The following CCDC200 variants were observed in gnomAD, a reference collection of about 807,000 sequenced individuals.
CCDC200 encodes coiled-coil domain-containing protein 200.
upstream of CCDC200, among the ~76,000 whole-genome samples, chr17:43,230,670 T>C (rs1354590108): frequency 1.8e-4 from 2 of 10,960 alleles, no homozygotes; most frequent in Non-Finnish European, 4.2e-4. Flanking sequence ...GAGCAAGACT[T>C]TGTCTCTGAA....
intron 1 of CCDC200, 124 bp from the exon 2 acceptor site, chr17:43,224,673 C>T (rs2057555143): frequency 6.6e-6 from 1 of 152,260 alleles, no homozygotes; most frequent in Non-Finnish European, 1.5e-5. Flanking sequence ...TCTCTGTTCC[C>T]TAGAGCTGGA....
chr17:43,223,478 A>ACACACACACACACACACACACACACT (rs34707360), intron 3 of CCDC200, 78 bp downstream of exon 3: 9 of 144,040 alleles, frequency 6.2e-5, no homozygotes, highest in Admixed American at 3.5e-4. Context: ...ACACACACAC[A>ACACACACACACACACACACACACACT]CTCACACTCT....
chr17:43,226,641 G>A (rs2057571725), intron 1 of CCDC200, among the ~76,000 whole-genome samples: 1 of 152,154 alleles, frequency 6.6e-6, no homozygotes, highest in South Asian at 2.1e-4. Flanking sequence ...GGATCAGCCC[G>A]CCTTGGCTCC....
chr17:43,224,081 C>T (rs3744244), intron 2 of CCDC200, 153 bp downstream of exon 2: 48,428 of 152,368 alleles, frequency 0.32, 8,046 homozygotes, highest in South Asian at 0.5. Flanking sequence ...ACTACAGGGC[C>T]GGGATGGAAG....
chr17:43,230,856 C>A (rs1469829744), upstream of CCDC200, among the ~76,000 whole-genome samples: 2 of 92,134 alleles, frequency 2.2e-5, no homozygotes, highest in African/African-American at 5.7e-5. Context: ...TGGCAGGTGC[C>A]TGTCGTCCCC....
Position 43,225,693 on chromosome 17 carries a change from T to TATATATATATATATATATATATATAAAA in CCDC200, c.106-1145_106-1144insTTTTATATATATATATATATATATATAT, listed in dbSNP as rs1282739067. The stretch of plus-strand genomic sequence containing the variant: ...AAAAAAAAAAAAGTATATATATATA[T>TATATATATATATATATATATATATAAAA]TGCATGCTACATGTGTAATTTTAAA... On this transcript the variant is annotated intron_variant, in intron 1 of 3. Coordinates refer to ENST00000636331, the MANE Select transcript of CCDC200 (RefSeq NM_001363254.2). Among the ~76,000 whole-genome samples, 10 of 28,970 alleles carry TATATATATATATATATATATATATAAAA rather than the reference T, an allele frequency of 3.5e-4. 2 individuals are homozygous for TATATATATATATATATATATATATAAAA. The highest frequency in any genetic ancestry group is 1.6e-3 in the Non-Finnish European group (7 of 4,438). The allele number at this position is 28,970 out of a possible 152,430, so 19.0% of individuals were successfully genotyped here. A position where few individuals can be genotyped will look rare whatever the true frequency, so the allele number is the denominator to read the frequency against.
intron 1 of CCDC200, among the ~76,000 whole-genome samples, chr17:43,226,873 A>C (rs757775845): frequency 6.6e-6 from 1 of 152,228 alleles, no homozygotes; most frequent in African/African-American, 2.4e-5. Flanking sequence ...TTTAGATTTC[A>C]TAAATTTACA....
In CCDC200 at chr17:43,225,680, G is replaced by A. The variant is rs1044562616; in HGVS notation, c.106-1131C>T. Among the ~76,000 whole-genome samples the A allele has an allele frequency of 1.4e-3, 23 of 16,662 alleles. 1 individual carries two copies. The highest frequency in any genetic ancestry group is 6.8e-3 in the Non-Finnish European group (10 of 1,466). The allele number at this position is 16,662 out of a possible 152,430, so 10.9% of individuals were successfully genotyped here. A position where few individuals can be genotyped will look rare whatever the true frequency, so the allele number is the denominator to read the frequency against. ...TCCGTCTAAAAAAAAAAAAAAAAAA[G>A]TATATATATATATTGCATGCTACAT... On this transcript the variant is annotated intron_variant, in intron 1 of 3. Transcript: ENST00000636331.
intron 1 of CCDC200, chr17:43,226,439 C>A (rs1335292573): frequency 6.6e-6 from 1 of 152,150 alleles, no homozygotes; most frequent in Non-Finnish European, 1.5e-5. Flanking sequence ...GTCTCGCAGG[C>A]TGGAATATAG....
chr17:43,224,511 C>T lies in CCDC200; in HGVS notation c.144G>A (p.Glu48=), dbSNP rs1396143574. 6.5e-6 allele frequency: 1 copy of T among 153,418 alleles called. No individual in the cohort carries two copies. Among genetic ancestry groups the T allele is most frequent in the Non-Finnish European group, 1.5e-5 (1 of 68,118 alleles). The allele number at this position is 153,418 out of a possible 1,614,324, so 9.5% of individuals were successfully genotyped here. A position where few individuals can be genotyped will look rare whatever the true frequency, so the allele number is the denominator to read the frequency against. Residue 48 remains glutamate, a synonymous_variant, in exon 2 of 4, where the codon GAG becomes GAA. Transcript: ENST00000636331. ...KNHQEEEQQS[E]EKLQPHKKLN... is the part of the protein sequence containing the mutation. ...ACTTCTTATGTGGCTGGAGTTTTTCCTCCGATTGTTGTTCTTCCTCCTGGT... is the reference window on the plus strand; with the variant it reads ...ACTTCTTATGTGGCTGGAGTTTTTCTTCCGATTGTTGTTCTTCCTCCTGGT...
chr17:43,227,039 C>T (rs887288751), intron 1 of CCDC200, among the ~76,000 whole-genome samples: 4 of 152,132 alleles, frequency 2.6e-5, no homozygotes, highest in South Asian at 2.1e-4. Flanking sequence ...AGTGCAACGG[C>T]GCGATCTTGG....
At chr17:43,222,773 GT>G (rs542275017) in intron 3 of CCDC200, among the ~76,000 whole-genome samples, 40,648 of 127,194 alleles carry the variant, frequency 0.32, 6,137 homozygotes, top group South Asian at 0.48. Context: ...TTTTTTTTTC[GT>G]TTTTTTTTTT....
At chr17:43,230,810 C>G (rs1331258303), upstream of CCDC200, among the ~76,000 whole-genome samples, 2 of 88,676 alleles carry the variant, frequency 2.3e-5, 1 homozygote, top group African/African-American at 5.9e-5. Context: ...GAATCCCCGT[C>G]TCTACTAAAA....
intron 1 of CCDC200, 187 bp from the exon 2 acceptor site, chr17:43,224,736 G>A (rs1170369145): frequency 6.6e-6 from 1 of 152,234 alleles, no homozygotes; most frequent in Non-Finnish European, 1.5e-5. Context: ...ACCCAAGAAC[G>A]ATTTCTGGGT....
intron 1 of CCDC200, among the ~76,000 whole-genome samples, chr17:43,225,657 C>A (rs1220838878): frequency 4.4e-5 from 1 of 22,642 alleles, no homozygotes; most frequent in Non-Finnish European, 3.2e-4. Flanking sequence ...AATGAGACTC[C>A]GTCTAAAAAA....
chr17:43,226,141 G>A (rs1381039396), intron 1 of CCDC200: 1 of 152,232 alleles, frequency 6.6e-6, no homozygotes, highest in East Asian at 1.9e-4. Context: ...TTGAAGCTAG[G>A]AGTTTGAGGC....
In CCDC200 at chr17:43,223,246, A is replaced by ATTTTTT. The variant is rs1382906549; in HGVS notation, c.480+304_480+309dup. Among the ~76,000 whole-genome samples the ATTTTTT allele has an allele frequency of 3.4e-4, 29 of 84,852 alleles. 2 individuals carry two copies. The highest frequency in any genetic ancestry group is 6.7e-4 in the African/African-American group (17 of 25,194). The allele number at this position is 84,852 out of a possible 152,430, so 55.7% of individuals were successfully genotyped here. On this transcript the variant is annotated intron_variant, in intron 3 of 3. Coordinates refer to ENST00000636331, the MANE Select transcript of CCDC200 (RefSeq NM_001363254.2). ...TTTCAATTTTTTTCAATTTTTTTCA[A>ATTTTTT]TTTTTTTTTTTTTTTGGAGATGTCT...
intron 1 of CCDC200, among the ~76,000 whole-genome samples, chr17:43,227,265 C>G (rs1392757661): frequency 1.3e-5 from 2 of 151,702 alleles, no homozygotes; most frequent in Non-Finnish European, 1.5e-5. Flanking sequence ...AGGTGTGAGC[C>G]ACTGTGCCCG....
chr17:43,228,107 T>TAAAAA (rs1598041691), intron 1 of CCDC200, among the ~76,000 whole-genome samples: 1 of 4,316 alleles, frequency 2.3e-4, no homozygotes, highest in Non-Finnish European at 4.3e-4. Context: ...AAACTCCATC[T>TAAAAA]CAAAAAAAAA....
Sources: gnomAD v4.1 joint callset for allele counts (sites outside exome capture counted in the v4.1 genomes callset) on GRCh38, gnomAD v4.1.1 for gene constraint, MANE v1.5 for transcripts, NCBI Gene and HGNC (gene_info 2026-07-23, HGNC 2026-07-21) for gene names.